Variants in VPS50 observed in about 807,000 individuals in gnomAD.
VPS50 encodes syndetin.
VPS50 carries 70 observed loss-of-function variants against 139.7 expected under a neutral mutation model. That is an observed-to-expected ratio of 0.50 (90% CI 0.41 to 0.61). The LOEUF is 0.61. Ranked by LOEUF, VPS50 falls within the 20% of genes least tolerant of loss-of-function variation. The pLI is 0.00. For missense variants in VPS50, 921 were observed against 1,133.7 expected (o/e 0.81, Z 2.69); for synonymous variants, 365 against 376.7 (o/e 0.97, Z 0.36).
At chr7:93,255,194 C>G (rs1473230357) in intron 4 of VPS50, among the ~76,000 whole-genome samples, 1 of 152,110 alleles carries the variant, frequency 6.6e-6, no homozygotes, top group East Asian at 1.9e-4. Context: ...AATAATTATA[C>G]AACTCAGCAT....
intron 5 of VPS50, 133 bp downstream of exon 5, chr7:93,256,695 G>C (rs1795493071): frequency 1.8e-6 from 1 of 555,476 alleles, no homozygotes; most frequent in South Asian, 2.2e-5. Flanking sequence ...GGGTGTGTTT[G>C]TGTATATGTA....
intron 12 of VPS50, among the ~76,000 whole-genome samples, chr7:93,287,201 G>T (rs1250722148): frequency 6.6e-6 from 1 of 151,846 alleles, no homozygotes; most frequent in Admixed American, 6.6e-5. Context: ...ATAAATTTGG[G>T]TCCTTTTGGG....
rs535173887 is a variant in VPS50 at position 93,243,452 on chromosome 7, T to C, written c.102+3518T>C. On this transcript the variant is annotated intron_variant, in intron 2 of 27. Coordinates refer to ENST00000305866, the MANE Select transcript of VPS50 (RefSeq NM_017667.4). ...ACCAATGGCCAAGATGAGAATATTA[T>C]CTCAAGAATGGAGCAACAGGAAATA... Among the ~76,000 whole-genome samples the C allele has an allele frequency of 2.5e-4, 38 of 152,050 alleles. No individual in the cohort carries two copies. In the South Asian group the frequency reaches 3.9e-3, roughly 16 times the overall value.
chr7:93,325,124 C>A (rs1300423682), intron 21 of VPS50, among the ~76,000 whole-genome samples: 1 of 152,046 alleles, frequency 6.6e-6, no homozygotes, highest in Admixed American at 6.6e-5. Context: ...CAGAACAGAG[C>A]CCACAGAAAA....
chr7:93,237,377 G>T (rs1394845158), intron 1 of VPS50, among the ~76,000 whole-genome samples: 1 of 152,190 alleles, frequency 6.6e-6, no homozygotes, highest in Non-Finnish European at 1.5e-5. Context: ...CTGCTCCAGA[G>T]CCCATTGCTA....
At chr7:93,282,304 A>G (rs1276058598) in intron 12 of VPS50, among the ~76,000 whole-genome samples, 1 of 151,946 alleles carries the variant, frequency 6.6e-6, no homozygotes, top group African/African-American at 2.4e-5. Flanking sequence ...GATGCTGTGG[A>G]TTAATTAACT....
At chr7:93,315,600 A>C (rs1211567657) in intron 20 of VPS50, among the ~76,000 whole-genome samples, 1 of 152,186 alleles carries the variant, frequency 6.6e-6, no homozygotes, top group Non-Finnish European at 1.5e-5. Context: ...AGCTTTGGGT[A>C]CTTGCTAGTC....
At chr7:93,335,315 A>G (rs980517599) in intron 22 of VPS50, among the ~76,000 whole-genome samples, 1 of 152,216 alleles carries the variant, frequency 6.6e-6, no homozygotes, top group Non-Finnish European at 1.5e-5. Context: ...CTGTTTGGGC[A>G]GAAGAAATAA....
intron 21 of VPS50, among the ~76,000 whole-genome samples, chr7:93,330,210 C>T (rs1294405730): frequency 6.6e-6 from 1 of 151,928 alleles, no homozygotes; most frequent in African/African-American, 2.4e-5. Context: ...CATAGGACAA[C>T]CATGAAACAT....
intron 11 of VPS50, among the ~76,000 whole-genome samples, chr7:93,273,802 C>G (rs963409399): frequency 6.6e-6 from 1 of 152,094 alleles, no homozygotes; most frequent in Non-Finnish European, 1.5e-5. Context: ...AGGTTTATGA[C>G]AAACCTGCAT....
At chr7:93,267,632 C>G (rs1313676219) in intron 9 of VPS50, among the ~76,000 whole-genome samples, 1 of 152,034 alleles carries the variant, frequency 6.6e-6, no homozygotes, top group African/African-American at 2.4e-5. Context: ...AATTCGTAAA[C>G]AGAGTATTAT....
intron 13 of VPS50, among the ~76,000 whole-genome samples, chr7:93,292,183 A>T (rs1026113600): frequency 2.6e-5 from 4 of 152,066 alleles, no homozygotes; most frequent in Non-Finnish European, 4.4e-5. Context: ...TTAATGCTAG[A>T]TGGTCAATAT....
intron 8 of VPS50, 132 bp from the exon 9 acceptor site, chr7:93,259,418 G>T: frequency 1.9e-6 from 1 of 514,934 alleles, no homozygotes; most frequent in Non-Finnish European, 3.5e-6. Context: ...ATCTATCATT[G>T]ATATTCTAAG....
intron 13 of VPS50, 107 bp from the exon 14 acceptor site, chr7:93,294,438 T>C: frequency 1.1e-6 from 1 of 925,780 alleles, no homozygotes; most frequent in Non-Finnish European, 1.5e-6. Flanking sequence ...ACATATTTAC[T>C]GTATCTTACA....
rs781475185 is a variant in VPS50 at position 93,334,207 on chromosome 7, G to A, written c.2058+10G>A. 15 of 1,375,514 alleles carry A rather than the reference G, an allele frequency of 1.1e-5. No homozygotes were observed. The highest frequency in any genetic ancestry group is 4.6e-5 in the East Asian group (2 of 43,566). 85.2% of individuals were successfully genotyped at this position (1,375,514 alleles called of 1,614,324 possible). On this transcript the variant is annotated intron_variant, in intron 22 of 27. Coordinates refer to ENST00000305866, the MANE Select transcript of VPS50 (RefSeq NM_017667.4). ...AAGCCTTATTGATCTAGTAAGTAACGAATTGGAATAAATTCTTTTGGATTA... is the reference window on the plus strand; with the variant it reads ...AAGCCTTATTGATCTAGTAAGTAACAAATTGGAATAAATTCTTTTGGATTA...
chr7:93,357,873 C>T (rs868295593), intron 27 of VPS50, among the ~76,000 whole-genome samples: 6 of 151,916 alleles, frequency 3.9e-5, no homozygotes, highest in African/African-American at 1.5e-4. Flanking sequence ...AAGAGTTGTT[C>T]TTCTGTTGTT....
At chr7:93,306,375 T>G (rs1393447988) in intron 18 of VPS50, among the ~76,000 whole-genome samples, 1 of 151,946 alleles carries the variant, frequency 6.6e-6, no homozygotes, top group Non-Finnish European at 1.5e-5. Flanking sequence ...CTCGACACCC[T>G]TTATGGGTCA....
intron 2 of VPS50, among the ~76,000 whole-genome samples, chr7:93,245,823 T>C (rs1165145269): frequency 2.0e-5 from 3 of 151,866 alleles, no homozygotes; most frequent in African/African-American, 7.2e-5. Context: ...ATTATTATTG[T>C]TGTTCTAGTG....
intron 2 of VPS50, 30 bp downstream of exon 2, chr7:93,239,964 T>C: frequency 7.7e-7 from 1 of 1,306,350 alleles, no homozygotes; most frequent in Non-Finnish European, 1.1e-6. Flanking sequence ...AGCGTGACTT[T>C]TTACTTCCTT....
Sources: gnomAD v4.1 joint callset for allele counts (sites outside exome capture counted in the v4.1 genomes callset) on GRCh38, gnomAD v4.1.1 for gene constraint, MANE v1.5 for transcripts, NCBI Gene and HGNC (gene_info 2026-07-23, HGNC 2026-07-21) for gene names.